The following BMPR1A variants were observed in gnomAD, a reference collection of about 807,000 sequenced individuals.
BMPR1A encodes bone morphogenetic protein receptor type-1A.
BMPR1A carries 7 observed loss-of-function variants against 66.0 expected under a neutral mutation model. The ratio of observed to expected loss-of-function variants is 0.11; its 90% confidence interval spans 0.06 to 0.20. BMPR1A has a LOEUF of 0.20. BMPR1A is among the 10% of genes least tolerant of loss of function. The probability of loss-of-function intolerance (pLI) is 1.00; values close to 1 mark genes in which losing one functional copy is unlikely to be tolerated. For missense variants in BMPR1A, 408 were observed against 669.1 expected (o/e 0.61, Z 4.31); for synonymous variants, 200 against 229.7 (o/e 0.87, Z 1.17).
At chr10:86,795,689 C>G (rs979326208) in intron 1 of BMPR1A, among the ~76,000 whole-genome samples, 2 of 151,976 alleles carry the variant, frequency 1.3e-5, no homozygotes, top group African/African-American at 4.8e-5. Context: ...AACAGGGCCC[C>G]GAAGAGTACC....
chr10:86,813,201 G>T (rs1457313964), intron 1 of BMPR1A, among the ~76,000 whole-genome samples: 1 of 152,088 alleles, frequency 6.6e-6, no homozygotes, highest in Non-Finnish European at 1.5e-5. Flanking sequence ...CAAATTGTTC[G>T]TTTTTGGCCA....
intron 7 of BMPR1A, among the ~76,000 whole-genome samples, chr10:86,907,584 C>T: frequency 6.6e-6 from 1 of 152,148 alleles, no homozygotes; most frequent in Non-Finnish European, 1.5e-5. Flanking sequence ...TGTCCATCAG[C>T]AGGTGAATGG....
At chr10:86,780,087 G>GT (rs760481914) in intron 1 of BMPR1A, among the ~76,000 whole-genome samples, 41 of 151,980 alleles carry the variant, frequency 2.7e-4, no homozygotes, top group Non-Finnish European at 5.7e-4. Flanking sequence ...TATTTCATTT[G>GT]TTTTTTGGCC....
chr10:86,802,195 C>A (rs998521774), intron 1 of BMPR1A, among the ~76,000 whole-genome samples: 3 of 152,164 alleles, frequency 2.0e-5, no homozygotes, highest in African/African-American at 7.2e-5. Context: ...ATATAGCCTT[C>A]CACCTCTTTC....
intron 7 of BMPR1A, 55 bp downstream of exon 7, chr10:86,900,181 C>A (rs1425534546): frequency 1.9e-6 from 3 of 1,549,744 alleles, no homozygotes; most frequent in South Asian, 1.1e-5. Flanking sequence ...AGATGTCAAC[C>A]GCTGTTTGTA....
At chr10:86,780,459 G>A (rs1841420295) in intron 1 of BMPR1A, among the ~76,000 whole-genome samples, 1 of 151,814 alleles carries the variant, frequency 6.6e-6, no homozygotes, top group African/African-American at 2.4e-5. Context: ...TTTTGAGACG[G>A]AGTCTTGCTC....
At chr10:86,902,241 C>G (rs1296596011) in intron 7 of BMPR1A, among the ~76,000 whole-genome samples, 1 of 152,106 alleles carries the variant, frequency 6.6e-6, no homozygotes, top group Non-Finnish European at 1.5e-5. Flanking sequence ...TTATTTAAAT[C>G]ATGTATTCAT....
In BMPR1A at chr10:86,923,866, T is replaced by G; in HGVS notation, c.*147T>G. On this transcript the variant is annotated 3_prime_UTR_variant, in exon 13 of 13. Coordinates refer to ENST00000372037, the MANE Select transcript of BMPR1A (RefSeq NM_004329.3). Reference sequence around the variant, plus strand: ...TCACAGGCTGCTAATATTAAACCTTTCAGTACTCTTATTAGGATACAAGCT... The same window carrying G: ...TCACAGGCTGCTAATATTAAACCTTGCAGTACTCTTATTAGGATACAAGCT... 1 of 926,270 alleles carries G rather than the reference T, an allele frequency of 1.1e-6. No individual in the cohort carries two copies. Among genetic ancestry groups the G allele is most frequent in the Non-Finnish European group, 1.7e-6 (1 of 592,640 alleles). The allele number at this position is 926,270 out of a possible 1,614,324, so 57.4% of individuals were successfully genotyped here. A position where few individuals can be genotyped will look rare whatever the true frequency, so the allele number is the denominator to read the frequency against.
chr10:86,833,461 C>G (rs139934184), intron 1 of BMPR1A, among the ~76,000 whole-genome samples: 2 of 152,124 alleles, frequency 1.3e-5, no homozygotes, highest in East Asian at 3.8e-4. Context: ...TGTATCAGAG[C>G]TAGAATGAGC....
chr10:86,869,527 C>T (rs1842827055), intron 2 of BMPR1A, among the ~76,000 whole-genome samples: 2 of 149,046 alleles, frequency 1.3e-5, no homozygotes, highest in South Asian at 4.2e-4. Flanking sequence ...GAGGCAGAGG[C>T]GGGAGGATCA....
intron 3 of BMPR1A, among the ~76,000 whole-genome samples, chr10:86,877,462 C>G (rs1434616187): frequency 6.6e-6 from 1 of 152,190 alleles, no homozygotes; most frequent in African/African-American, 2.4e-5. Flanking sequence ...CCACTTCGGC[C>G]TCCCAAAGTG....
At position 86,923,601 on chromosome 10, in the gene BMPR1A, G is replaced by A. The variant is rs1204089728; in HGVS notation, c.1481G>A (p.Arg494Gln). The A allele has an allele frequency of 5.6e-6, 9 of 1,614,032 alleles. No individual in the cohort carries two copies. Among genetic ancestry groups the A allele is most frequent in the East Asian group, 2.2e-5 (1 of 44,898 alleles). ...CATCTCTTTACTTTTCAGTGTCTAC[G>A]AGCAGTTTTGAAGCTAATGTCAGAA... Reference protein sequence around the residue: ...SNRWNSDECLRAVLKLMSECW... With the variant: ...SNRWNSDECLQAVLKLMSECW... Residue 494 changes from arginine (R) to glutamine (Q), a missense_variant, in exon 13 of 13, where the codon CGA (arginine) becomes CAA (glutamine). Physicochemically the swap from Arg to Gln is conservative, Grantham distance 43 (BLOSUM62 1). This residue lies in a region of BMPR1A where 130 missense variants were observed against 257.3 expected (regional missense o/e 0.51). Coordinates refer to ENST00000372037, the MANE Select transcript of BMPR1A (RefSeq NM_004329.3).
At chr10:86,879,469 G>A (rs1842959931) in intron 3 of BMPR1A, among the ~76,000 whole-genome samples, 1 of 152,200 alleles carries the variant, frequency 6.6e-6, no homozygotes, top group Non-Finnish European at 1.5e-5. Flanking sequence ...CCTGAATCAC[G>A]TGGAGGAGGG....
chr10:86,778,922 A>AT (rs1841395418), intron 1 of BMPR1A, among the ~76,000 whole-genome samples: 1 of 104,326 alleles, frequency 9.6e-6, no homozygotes, highest in African/African-American at 3.8e-5. Context: ...TTATTTATGT[A>AT]TTTTCTTTTT....
At chr10:86,861,060 C>G (rs111270275) in intron 2 of BMPR1A, among the ~76,000 whole-genome samples, 19,070 of 151,924 alleles carry the variant, frequency 0.13, 1,526 homozygotes, top group African/African-American at 0.21. Flanking sequence ...CCAGGATGGT[C>G]TCAATCTCCT....
rs1192659789 is a variant in BMPR1A at position 86,799,187 on chromosome 10, A to G, written c.-267-39678A>G. On this transcript the variant is annotated intron_variant, in intron 1 of 12. Transcript: ENST00000372037. ...GTTACTGTGATTTAAGATGGTTGTAATTATCATTGATTGATGATACCTATC... is the reference window on the plus strand; with the variant it reads ...GTTACTGTGATTTAAGATGGTTGTAGTTATCATTGATTGATGATACCTATC... Among the ~76,000 whole-genome samples, 3 of 152,174 alleles carry G rather than the reference A, an allele frequency of 2.0e-5. No homozygotes were observed. The East Asian group carries it at 5.8e-4, about 29-fold the overall frequency.
chr10:86,791,618 A>G (rs531570879), intron 1 of BMPR1A, among the ~76,000 whole-genome samples: 2 of 152,002 alleles, frequency 1.3e-5, no homozygotes, highest in Admixed American at 1.3e-4. Context: ...TGAAGAAAAA[A>G]AAAAAGCCCT....
chr10:86,881,474 A>G (rs1019114517), intron 3 of BMPR1A, among the ~76,000 whole-genome samples: 1 of 152,216 alleles, frequency 6.6e-6, no homozygotes, highest in Non-Finnish European at 1.5e-5. Context: ...TGCCGATTGA[A>G]TTAGTGAATC....
chr10:86,874,782 A>G (rs527733078), intron 2 of BMPR1A, among the ~76,000 whole-genome samples: 3 of 136,930 alleles, frequency 2.2e-5, no homozygotes, highest in Non-Finnish European at 4.6e-5. Context: ...CAGTGGCACA[A>G]TCTGCAATCT....
Sources: gnomAD v4.1 joint callset for allele counts (sites outside exome capture counted in the v4.1 genomes callset) on GRCh38, gnomAD v4.1.1 for gene constraint, gnomAD v4.1.1 regional missense constraint, MANE v1.5 for transcripts, NCBI Gene and HGNC (gene_info 2026-07-23, HGNC 2026-07-21) for gene names.